Variants in BRINP3 observed in about 807,000 individuals in gnomAD.
BRINP3 encodes the protein BMP/retinoic acid-inducible neural-specific protein 3.
In BRINP3, 19 loss-of-function variants were observed where a neutral mutation model predicts 71.0. That is an observed-to-expected ratio of 0.27 (90% CI 0.19 to 0.39). The LOEUF is 0.39. Among genes scored for constraint, BRINP3 ranks in the 10% least tolerant of loss-of-function variants. BRINP3 has a pLI of 1.00. For missense variants in BRINP3, 959 were observed against 940.8 expected (o/e 1.02, Z -0.25); for synonymous variants, 380 against 337.7 (o/e 1.13, Z -1.37).
chr1:190,457,137 G>A (rs961458813), intron 1 of BRINP3, among the ~76,000 whole-genome samples: 5 of 151,944 alleles, frequency 3.3e-5, no homozygotes, highest in African/African-American at 9.7e-5. Flanking sequence ...GAGCCAAACC[G>A]CTGATGTTAA....
chr1:190,412,445 T>C (rs1206156227), intron 2 of BRINP3, among the ~76,000 whole-genome samples: 1 of 134,818 alleles, frequency 7.4e-6, no homozygotes, highest in Non-Finnish European at 1.6e-5. Flanking sequence ...GTACTTTTTT[T>C]GTTTTGTTTT....
intron 6 of BRINP3, among the ~76,000 whole-genome samples, chr1:190,167,789 T>C (rs1198189933): frequency 6.6e-6 from 1 of 152,322 alleles, no homozygotes; most frequent in East Asian, 1.9e-4. Flanking sequence ...CCAATTCTTA[T>C]GCCCATTATG....
chr1:190,115,556 T>A (rs1653059430), intron 7 of BRINP3, among the ~76,000 whole-genome samples: 1 of 152,092 alleles, frequency 6.6e-6, no homozygotes, highest in South Asian at 2.1e-4. Context: ...CTTTAAAAAA[T>A]GTGAAAAAGA....
In BRINP3 at chr1:190,100,878, G is replaced by A. The variant is rs143960806; in HGVS notation, c.1185-1744C>T. On this transcript the variant is annotated intron_variant, in intron 7 of 7. Coordinates refer to ENST00000367462, the MANE Select transcript of BRINP3 (RefSeq NM_199051.3). The stretch of plus-strand genomic sequence containing the variant: ...AAGTTCATGTGCTGGGAACTTGATT[G>A]TTAATGCAGTGATATTGTGAGGTGG... Among the ~76,000 whole-genome samples the A allele has an allele frequency of 9.6e-4, 146 of 152,296 alleles. 2 individuals carry two copies. Among genetic ancestry groups the A allele is most frequent in the African/African-American group, 3.3e-3 (139 of 41,566 alleles).
chr1:190,456,223 T>C (rs1250266677), intron 1 of BRINP3, among the ~76,000 whole-genome samples: 1 of 152,178 alleles, frequency 6.6e-6, no homozygotes, highest in Non-Finnish European at 1.5e-5. Context: ...CTGAGAGATA[T>C]AGAGAAATAA....
intron 1 of BRINP3, among the ~76,000 whole-genome samples, chr1:190,456,965 T>A (rs529465536): frequency 1.3e-5 from 2 of 152,276 alleles, no homozygotes; most frequent in South Asian, 4.1e-4. Flanking sequence ...AGAATATTAT[T>A]GAAAAAATTC....
chr1:190,374,484 A>C (rs1414197692), intron 2 of BRINP3, among the ~76,000 whole-genome samples: 1 of 152,186 alleles, frequency 6.6e-6, no homozygotes, highest in Non-Finnish European at 1.5e-5. Flanking sequence ...AAGTGTAAAC[A>C]CTAAAAAGGA....
chr1:190,456,232 A>C (rs1225157126), intron 1 of BRINP3, among the ~76,000 whole-genome samples: 1 of 152,290 alleles, frequency 6.6e-6, no homozygotes, highest in East Asian at 1.9e-4. Flanking sequence ...ATAGAGAAAT[A>C]ATTTTGGGGC....
At position 190,375,491 on chromosome 1, in the gene BRINP3, T is replaced by A. The variant is rs112806878; in HGVS notation, c.236+79164A>T. 3.2e-3 allele frequency among the ~76,000 whole-genome samples: 490 copies of A among 152,008 alleles called. 6 individuals carry two copies. The highest frequency in any genetic ancestry group is 0.011 in the African/African-American group (456 of 41,530). On this transcript the variant is annotated intron_variant, in intron 2 of 7. Coordinates refer to ENST00000367462, the MANE Select transcript of BRINP3 (RefSeq NM_199051.3). ...TTAATGTATTCAAAAGCAAAAGGCA[T>A]AACAAACTGAATAAAAGCAGTTCGT... is the stretch of plus-strand genomic sequence containing the variant.
intron 7 of BRINP3, among the ~76,000 whole-genome samples, chr1:190,158,408 A>G (rs1657051015): frequency 1.3e-5 from 2 of 152,038 alleles, no homozygotes; most frequent in African/African-American, 4.8e-5. Flanking sequence ...ACAAGAACTA[A>G]ACATTTGGTA....
chr1:190,327,351 G>T (rs979892826), intron 2 of BRINP3, among the ~76,000 whole-genome samples: 1 of 65,758 alleles, frequency 1.5e-5, no homozygotes, highest in South Asian at 4.8e-4. Flanking sequence ...AAAAAAAAAA[G>T]GAAAAAAAAA....
intron 2 of BRINP3, among the ~76,000 whole-genome samples, chr1:190,417,095 G>T (rs1673056410): frequency 6.6e-6 from 1 of 152,090 alleles, no homozygotes; most frequent in Non-Finnish European, 1.5e-5. Context: ...GAATTGTGTA[G>T]AATGCCCTAG....
At chr1:190,251,560 G>T (rs561686080) in intron 4 of BRINP3, among the ~76,000 whole-genome samples, 59 of 151,912 alleles carry the variant, frequency 3.9e-4, no homozygotes, top group African/African-American at 1.4e-3. Context: ...CTGAACCAAG[G>T]GGTATGTACA....
intron 2 of BRINP3, among the ~76,000 whole-genome samples, chr1:190,410,999 A>C (rs1672627160): frequency 6.6e-6 from 1 of 152,156 alleles, no homozygotes; most frequent in African/African-American, 2.4e-5. Flanking sequence ...GGTCAAAAAA[A>C]ACCAAGACGA....
chr1:190,422,854 T>C (rs1473640889), intron 2 of BRINP3, among the ~76,000 whole-genome samples: 1 of 151,886 alleles, frequency 6.6e-6, no homozygotes, highest in Admixed American at 6.6e-5. Context: ...CAATCTTCTT[T>C]TGACATATAT....
At chr1:190,145,834 T>C (rs973560805) in intron 7 of BRINP3, among the ~76,000 whole-genome samples, 10 of 152,138 alleles carry the variant, frequency 6.6e-5, no homozygotes, top group Admixed American at 1.3e-4. Context: ...TTCACATACA[T>C]ACATATATAC....
At chr1:190,322,856 G>T (rs996655353) in intron 2 of BRINP3, among the ~76,000 whole-genome samples, 1 of 151,912 alleles carries the variant, frequency 6.6e-6, no homozygotes, top group African/African-American at 2.4e-5. Context: ...AATGTTCTGA[G>T]TACTCATTAA....
chr1:190,231,331 G>C (rs1163609679), intron 5 of BRINP3, among the ~76,000 whole-genome samples: 5 of 151,684 alleles, frequency 3.3e-5, no homozygotes, highest in African/African-American at 1.2e-4. Flanking sequence ...TTTATTATAA[G>C]CCAAAACACT....
intron 7 of BRINP3, among the ~76,000 whole-genome samples, chr1:190,110,719 C>T (rs1292739558): frequency 1.3e-5 from 2 of 152,052 alleles, no homozygotes; most frequent in Non-Finnish European, 2.9e-5. Context: ...CTCACCTCAG[C>T]TGATGTTTGT....
Sources: allele counts gnomAD v4.1 joint callset (sites outside exome capture counted in the v4.1 genomes callset), GRCh38; gene constraint gnomAD v4.1.1; transcripts MANE v1.5; gene names NCBI Gene and HGNC (gene_info 2026-07-23, HGNC 2026-07-21).